The following GAB3 variants were observed in gnomAD, a reference collection of about 807,000 sequenced individuals.
GAB3 encodes the protein GRB2-associated-binding protein 3.
GAB3 carries 12 observed loss-of-function variants against 40.4 expected under a neutral mutation model. The observed-to-expected ratio is 0.30, with a 90% CI of 0.19 to 0.48. GAB3 has a LOEUF of 0.48. Among genes scored for constraint, GAB3 ranks in the 20% least tolerant of loss-of-function variants. GAB3 has a pLI of 0.99. For missense variants in GAB3, 381 were observed against 461.9 expected, an observed-to-expected ratio of 0.82 and a Z score of 1.61; for synonymous variants, 154 against 176.7, an observed-to-expected ratio of 0.87 and a Z score of 1.02.
chrX:154,677,120 T>A lies in GAB3; in HGVS notation c.*1058A>T, dbSNP rs940776994. 5 of 111,878 alleles carry A rather than the reference T, an allele frequency of 4.5e-5. No individual in the cohort carries two copies. The highest frequency in any genetic ancestry group is 9.4e-5 in the Non-Finnish European group (5 of 53,135). 9.2% of individuals were successfully genotyped at this position (111,878 alleles called of 1,213,427 possible). On this transcript the variant is annotated 3_prime_UTR_variant, in exon 10 of 10. Transcript: ENST00000424127. ...GTGACCATGAGAATGGCCTTCAGAC[T>A]AACCATCAGTAGGTATTTCTAATTG...
intron 8 of GAB3, among the ~76,000 whole-genome samples, chrX:154,694,584 G>A (rs1211908567): frequency 9.0e-6 from 1 of 111,110 alleles, no homozygotes; most frequent in Non-Finnish European, 1.9e-5. Flanking sequence ...TAGTAGAGAA[G>A]GGGTTTCACC....
chrX:154,700,581 G>A (rs1603424581), intron 4 of GAB3, among the ~76,000 whole-genome samples: 1 of 111,809 alleles, frequency 8.9e-6, no homozygotes, highest in Non-Finnish European at 1.9e-5. Flanking sequence ...GACCATAAGA[G>A]TAGATGAAAC....
In GAB3 at chrX:154,680,256, C is replaced by T; in HGVS notation, c.1531-8G>A. On this transcript the variant is annotated splice_region_variant and splice_polypyrimidine_tract_variant and intron_variant, in intron 8 of 9. Transcript: ENST00000424127. ...GGCTGTTCGGTGCTCCTCCTAGGAA[C>T]CAACATCACAGGAGTCAGGTTAATG... 8.7e-7 allele frequency: 1 copy of T among 1,152,505 alleles called. No homozygotes were observed. Among genetic ancestry groups the T allele is most frequent in the Non-Finnish European group, 1.2e-6 (1 of 844,487 alleles). The allele number at this position is 1,152,505 out of a possible 1,213,427, so 95.0% of individuals were successfully genotyped here.
intron 1 of GAB3, among the ~76,000 whole-genome samples, chrX:154,717,340 A>T (rs782429395): frequency 9.0e-6 from 1 of 110,883 alleles, no homozygotes; most frequent in African/African-American, 3.3e-5. Context: ...AGCATCTGAA[A>T]ATATGTGGGT....
At position 154,750,995 on chromosome X, in the gene GAB3, A is replaced by G; in HGVS notation, c.31T>C (p.Trp11Arg). The G allele has an allele frequency of 1.2e-6, 1 of 825,544 alleles. No individual in the cohort carries two copies. Among genetic ancestry groups the G allele is most frequent in the Non-Finnish European group, 1.5e-6 (1 of 677,591 alleles). 68.0% of individuals were successfully genotyped at this position (825,544 alleles called of 1,213,427 possible). A position where few individuals can be genotyped will look rare whatever the true frequency, so the allele number is the denominator to read the frequency against. MSAGDAVCTG[W>R]LVKSPPERKL... ...CTCTCGGGGGGCGACTTAACGAGCCAGCCGGTGCACACTGCGTCGCCCGCA... is the reference window on the plus strand; with the variant it reads ...CTCTCGGGGGGCGACTTAACGAGCCGGCCGGTGCACACTGCGTCGCCCGCA... The change falls in exon 1 of 10, where the codon TGG becomes CGG. Residue 11 changes from tryptophan to arginine, a missense_variant. By Grantham distance (101) the Trp-to-Arg change is moderately radical (BLOSUM62 -3). Transcript: ENST00000424127.
Position 154,677,241 on chromosome X carries a change from C to A in GAB3, c.*937G>T, listed in dbSNP as rs1190044415. 4 of 111,901 alleles carry A rather than the reference C, an allele frequency of 3.6e-5. No individual in the cohort carries two copies. The East Asian group carries it at 1.1e-3, about 31-fold the overall frequency. 9.2% of individuals were successfully genotyped at this position (111,901 alleles called of 1,213,427 possible). The stretch of plus-strand genomic sequence containing the variant: ...AGTATCAAAACACCTGTTCAGATCC[C>A]TATTGAAAGGGAGACAGGATGACTA... On this transcript the variant is annotated 3_prime_UTR_variant, in exon 10 of 10. Transcript: ENST00000424127.
intron 8 of GAB3, among the ~76,000 whole-genome samples, chrX:154,685,463 A>C (rs1351063153): frequency 1.8e-5 from 2 of 111,644 alleles, no homozygotes; most frequent in Non-Finnish European, 3.8e-5. Context: ...TTAAAAATAG[A>C]ATAAATGTAG....
chrX:154,695,518 G>C lies in GAB3; in HGVS notation c.1530+399C>G, dbSNP rs190028280. 7.5e-4 allele frequency among the ~76,000 whole-genome samples: 84 copies of C among 111,957 alleles called. No homozygotes were observed. The Middle Eastern group carries it at 0.014, about 18-fold the overall frequency. On this transcript the variant is annotated intron_variant, in intron 8 of 9. Transcript: ENST00000424127. ...GAAGCAGTCAGGACAGGGCCACCAG[G>C]TGTTCTGGTGGAAGGGACCATGTAA...
At chrX:154,741,228 C>T (rs1290228970) in intron 1 of GAB3, among the ~76,000 whole-genome samples, 2 of 111,995 alleles carry the variant, frequency 1.8e-5, no homozygotes, top group South Asian at 3.7e-4. Context: ...TCCGCCGCCA[C>T]GTGGAACTTT....
chrX:154,687,905 G>T (rs2070483889), intron 8 of GAB3, among the ~76,000 whole-genome samples: 1 of 111,997 alleles, frequency 8.9e-6, no homozygotes. Context: ...GAGGTGCAAA[G>T]AAAATTCAAT....
At chrX:154,699,752 A>G (rs374105522) in intron 5 of GAB3, among the ~76,000 whole-genome samples, 10 of 111,918 alleles carry the variant, frequency 8.9e-5, no homozygotes, top group African/African-American at 2.6e-4. Flanking sequence ...AGTTTATGCA[A>G]ATGCTTTAAG....
chrX:154,719,888 G>A (rs1400342905), intron 1 of GAB3, among the ~76,000 whole-genome samples: 1 of 111,202 alleles, frequency 9.0e-6, no homozygotes, highest in Non-Finnish European at 1.9e-5. Flanking sequence ...GGAATGACGA[G>A]GGCCATGTCA....
intron 4 of GAB3, among the ~76,000 whole-genome samples, chrX:154,710,286 C>CTG (rs1557255381): frequency 9.0e-6 from 1 of 111,717 alleles, no homozygotes; most frequent in African/African-American, 3.3e-5. Context: ...CCTCAAATCC[C>CTG]CAATATATTT....
At chrX:154,700,798 A>C (rs2070729842) in intron 4 of GAB3, among the ~76,000 whole-genome samples, 2 of 111,033 alleles carry the variant, frequency 1.8e-5, no homozygotes, top group African/African-American at 6.6e-5. Flanking sequence ...AAGTGCTCCC[A>C]GCATGTGGTG....
At chrX:154,702,441 G>A (rs1331340667) in intron 4 of GAB3, among the ~76,000 whole-genome samples, 1 of 111,900 alleles carries the variant, frequency 8.9e-6, no homozygotes, top group Non-Finnish European at 1.9e-5. Flanking sequence ...AAACGCTAAG[G>A]CATCAAACTA....
chrX:154,739,201 G>C (rs1321950230), intron 1 of GAB3, among the ~76,000 whole-genome samples: 1 of 111,661 alleles, frequency 9.0e-6, no homozygotes, highest in Non-Finnish European at 1.9e-5. Flanking sequence ...AAGCTTCTCA[G>C]TACCATGCCC....
At chrX:154,679,666 C>T (rs1290655986) in intron 9 of GAB3, among the ~76,000 whole-genome samples, 1 of 111,652 alleles carries the variant, frequency 9.0e-6, no homozygotes, top group Non-Finnish European at 1.9e-5. Context: ...GTTGTCATTT[C>T]TGATTCCCAT....
intron 4 of GAB3, among the ~76,000 whole-genome samples, chrX:154,709,232 G>A (rs2070874605): frequency 9.0e-6 from 1 of 110,659 alleles, no homozygotes; most frequent in Non-Finnish European, 1.9e-5. Context: ...GGCCTCCCTA[G>A]CCATGCTTCC....
rs1465166380 is a variant in GAB3, at chrX:154,751,070, G to C, written c.-45C>G. 4 of 775,365 alleles carry C rather than the reference G, an allele frequency of 5.2e-6. No homozygotes were observed. The South Asian group carries it at 1.9e-4, about 36-fold the overall frequency. 63.9% of individuals were successfully genotyped at this position (775,365 alleles called of 1,213,427 possible). ...TCCTCCAGCTGGGCCAGCCGCCCGC[G>C]GCAGAAGGAAGTCGGGCCAAGGATG... On this transcript the variant is annotated 5_prime_UTR_variant, in exon 1 of 10. Transcript: ENST00000424127.
Sources: allele counts gnomAD v4.1 joint callset (sites outside exome capture counted in the v4.1 genomes callset), GRCh38; gene constraint gnomAD v4.1.1; transcripts MANE v1.5; gene names NCBI Gene and HGNC (gene_info 2026-07-23, HGNC 2026-07-21).